Variants in LINGO2 observed in about 807,000 individuals in gnomAD.
The protein encoded by LINGO2 is leucine-rich repeat and immunoglobulin-like domain-containing nogo receptor-interacting protein 2.
Under a neutral mutation model 30.6 loss-of-function variants are expected in LINGO2, and 14 were observed. The observed-to-expected ratio is 0.46, with a 90% confidence interval of 0.30 to 0.72. The LOEUF (loss-of-function observed/expected upper bound fraction) is 0.72, where lower values mean the gene tolerates loss of function less well. Among genes scored for constraint, LINGO2 ranks in the 30% least tolerant of loss-of-function variants. The pLI is 0.07. For synonymous variants in LINGO2, 317 were observed against 288.5 expected, an observed-to-expected ratio of 1.10 and a Z score of -1.00; for missense variants, 729 against 751.7, an observed-to-expected ratio of 0.97 and a Z score of 0.35.
At chr9:29,074,163 T>C in the LINGO2 span, among the ~76,000 whole-genome samples, 1 of 152,140 alleles carries the variant, frequency 6.6e-6, no homozygotes, top group African/African-American at 2.4e-5. Context: ...CATGCATAAA[T>C]CTGGGAATAA....
In LINGO2 at chr9:28,406,343, G is replaced by GGAA. The variant is rs59024185; in HGVS notation, c.-278-33476_-278-33475insTTC. ...TTCAGCTACTTGGGAGGCTGAGGCA[G>GGAA]AATTGCTTGAATTCAGGGGGCAGAG... On this transcript the variant is annotated intron_variant, in intron 2 of 5. Coordinates refer to ENST00000379992, the Ensembl canonical transcript of LINGO2. Among the ~76,000 whole-genome samples the GGAA allele has an allele frequency of 1.1e-3, 168 of 151,724 alleles. 1 individual carries two copies. Among genetic ancestry groups the GGAA allele is most frequent in the Non-Finnish European group, 2.8e-4 (19 of 67,902 alleles).
intron 5 of LINGO2, among the ~76,000 whole-genome samples, chr9:27,979,031 A>G (rs990732018): frequency 1.3e-5 from 2 of 152,048 alleles, no homozygotes; most frequent in East Asian, 1.9e-4. Context: ...TGTTAAGTCA[A>G]TGTTAGAATT....
the LINGO2 span, among the ~76,000 whole-genome samples, chr9:28,914,507 T>C: frequency 6.6e-6 from 1 of 152,174 alleles, no homozygotes; most frequent in Admixed American, 6.5e-5. Context: ...TACAGATCAA[T>C]ATTAGCTTGA....
intron 1 of LINGO2, among the ~76,000 whole-genome samples, chr9:28,533,621 C>A (rs1290488999): frequency 6.6e-6 from 1 of 152,126 alleles, no homozygotes; most frequent in Admixed American, 6.5e-5. Flanking sequence ...TCTGTCAGTG[C>A]TGAGGTTTGA....
At chr9:28,284,183 A>AGG (rs947147280) in intron 4 of LINGO2, among the ~76,000 whole-genome samples, 2 of 152,134 alleles carry the variant, frequency 1.3e-5, no homozygotes, top group Non-Finnish European at 2.9e-5. Flanking sequence ...CACCTCACTG[A>AGG]GGGGAAAAGT....
intron 1 of LINGO2, among the ~76,000 whole-genome samples, chr9:28,506,515 T>TATATATATAG (rs1554729666): frequency 9.9e-6 from 1 of 100,604 alleles, no homozygotes; most frequent in African/African-American, 3.7e-5. Context: ...CATATATATA[T>TATATATATAG]ATATATAAAC....
intron 1 of LINGO2, among the ~76,000 whole-genome samples, chr9:28,609,730 A>T (rs1479859285): frequency 6.6e-6 from 1 of 152,110 alleles, no homozygotes; most frequent in Non-Finnish European, 1.5e-5. Flanking sequence ...TCAGGTGCAC[A>T]TTCTTTCAAC....
chr9:28,854,865 G>C, the LINGO2 span, among the ~76,000 whole-genome samples: 1 of 151,940 alleles, frequency 6.6e-6, no homozygotes, highest in African/African-American at 2.4e-5. Context: ...AGAGCCACAT[G>C]CTTGAGTTAG....
chr9:28,339,332 A>C (rs1929818), intron 3 of LINGO2, among the ~76,000 whole-genome samples: 150,017 of 152,240 alleles, frequency 0.99, 73,952 homozygotes, highest in Middle Eastern at 1. Context: ...TTAATTTCCA[A>C]AAAACTATTT....
intron 4 of LINGO2, among the ~76,000 whole-genome samples, chr9:28,239,688 GA>G (rs1821711451): frequency 1.3e-5 from 2 of 152,082 alleles, no homozygotes; most frequent in Admixed American, 6.6e-5. Flanking sequence ...TACAGAATAT[GA>G]AAACACTAAA....
intron 1 of LINGO2, among the ~76,000 whole-genome samples, chr9:28,536,587 C>T (rs886876327): frequency 1.3e-5 from 2 of 151,950 alleles, no homozygotes; most frequent in Non-Finnish European, 2.9e-5. Context: ...TTGCATGGGT[C>T]GCTGAATAAT....
chr9:28,350,831 C>G (rs1167869302), intron 3 of LINGO2, among the ~76,000 whole-genome samples: 1 of 151,462 alleles, frequency 6.6e-6, no homozygotes, highest in African/African-American at 2.4e-5. Flanking sequence ...AACTAGAACT[C>G]AGGATTAAGA....
the LINGO2 span, among the ~76,000 whole-genome samples, chr9:28,740,379 A>G: frequency 6.6e-6 from 1 of 151,666 alleles, no homozygotes; most frequent in Non-Finnish European, 1.5e-5. Context: ...TGAATTGTCT[A>G]TTTCTCCCTT....
chr9:29,093,773 T>C, the LINGO2 span, among the ~76,000 whole-genome samples: 1 of 137,366 alleles, frequency 7.3e-6, no homozygotes, highest in Admixed American at 7.5e-5. Context: ...TGAATTTTAA[T>C]AAGAACATTA....
chr9:29,060,199 A>G, the LINGO2 span, among the ~76,000 whole-genome samples: 1 of 152,082 alleles, frequency 6.6e-6, no homozygotes, highest in East Asian at 1.9e-4. Flanking sequence ...TTAAATTCAG[A>G]AAGTAACCTC....
At chr9:28,871,494 C>A in the LINGO2 span, among the ~76,000 whole-genome samples, 1 of 151,524 alleles carries the variant, frequency 6.6e-6, no homozygotes, top group African/African-American at 2.4e-5. Context: ...TGTGTTACTA[C>A]CTTAGTCATA....
chr9:27,937,868 T>C, the LINGO2 span: 1 of 152,114 alleles, frequency 6.6e-6, no homozygotes, highest in Non-Finnish European at 1.5e-5. Flanking sequence ...ATTTGTCCTT[T>C]GAGCAAAACA....
intron 4 of LINGO2, among the ~76,000 whole-genome samples, chr9:28,138,500 A>T (rs1196268175): frequency 6.6e-6 from 1 of 152,188 alleles, no homozygotes; most frequent in Non-Finnish European, 1.5e-5. Flanking sequence ...GCCACTTTTC[A>T]TATTTGAATC....
chr9:28,412,159 T>G (rs1409222848), intron 2 of LINGO2, among the ~76,000 whole-genome samples: 2 of 138,556 alleles, frequency 1.4e-5, no homozygotes, highest in African/African-American at 2.7e-5. Flanking sequence ...CTTTGCATAC[T>G]CATAGCTTAG....
Sources: gnomAD v4.1 joint callset for allele counts (sites outside exome capture counted in the v4.1 genomes callset) on GRCh38, gnomAD v4.1.1 for gene constraint, MANE v1.5 for transcripts, NCBI Gene and HGNC (gene_info 2026-07-23, HGNC 2026-07-21) for gene names.